Variants in NBPF11 observed in about 807,000 individuals in gnomAD.
NBPF11 encodes NBPF family member NBPF11.
Under a neutral mutation model 93.9 loss-of-function variants are expected in NBPF11, and 72 were observed. That is an observed-to-expected ratio of 0.77 (90% CI 0.63 to 0.93). The LOEUF (loss-of-function observed/expected upper bound fraction) is 0.93, where lower values mean the gene tolerates loss of function less well. Ranked by LOEUF, NBPF11 falls within the 40% of genes least tolerant of loss-of-function variation. The probability of loss-of-function intolerance (pLI) is 0.00; values close to 1 mark genes in which losing one functional copy is unlikely to be tolerated. For synonymous variants in NBPF11, 224 were observed against 304.9 expected (o/e 0.73, Z 2.76); for missense variants, 705 against 802.2 (o/e 0.88, Z 1.46).
intron 17 of NBPF11, 62 bp from the exon 18 acceptor site, chr1:148,108,716 C>T: frequency 1.3e-6 from 1 of 782,360 alleles, no homozygotes; most frequent in South Asian, 1.4e-5. Context: ...ACAGCCCCAG[C>T]TAGATTTCAT....
intron 8 of NBPF11, 145 bp downstream of exon 8, chr1:148,122,584 C>A: frequency 1.6e-6 from 2 of 1,230,850 alleles, no homozygotes; most frequent in African/African-American, 1.5e-5. Context: ...GCTGCCGCAC[C>A]CTGTGTCTAA....
intron 14 of NBPF11, among the ~76,000 whole-genome samples, chr1:148,115,319 C>T (rs1339287018): frequency 2.7e-5 from 4 of 150,782 alleles, no homozygotes; most frequent in Non-Finnish European, 5.9e-5. Flanking sequence ...AAGTTTCCAT[C>T]CTGATTTCAG....
At chr1:148,151,496 G>A (rs1485015662) in intron 1 of NBPF11, among the ~76,000 whole-genome samples, 2 of 152,048 alleles carry the variant, frequency 1.3e-5, no homozygotes, top group Admixed American at 6.5e-5. Flanking sequence ...CCCCTGGGAT[G>A]CCACAGAACA....
rs1226501395 is a variant in NBPF11 at position 148,146,139 on chromosome 1, G to A, written c.-548-2453C>T. On this transcript the variant is annotated intron_variant, in intron 1 of 23. Coordinates refer to ENST00000682118, the MANE Select transcript of NBPF11 (RefSeq NM_001385469.3). ...GCCATGGAGCGCGGCCCTGGGGCCC[G>A]GGGGCGCGGGCCGGGGTGGGCTTCC... Among the ~76,000 whole-genome samples the A allele has an allele frequency of 1.6e-3, 248 of 151,798 alleles. 3 individuals carry two copies. Among genetic ancestry groups the A allele is most frequent in the South Asian group, 7.3e-3 (35 of 4,824 alleles).
rs1206464697 is a variant in NBPF11, at chr1:148,115,929, T to G, written c.1449A>C (p.Ser483=). The change falls in exon 14 of 24, where the codon TCA becomes TCC. Residue 483 remains serine, a synonymous_variant. Coordinates refer to ENST00000682118, the MANE Select transcript of NBPF11 (RefSeq NM_001385469.3). ...TGGAGTCATAAGGGCCATGGCTATT[T>G]GAACAAGTGATGGCACACTCCTCCA... is the stretch of plus-strand genomic sequence containing the variant. ...DSLEECAITC[S]NSHGPYDSNQ... 1.4e-5 allele frequency: 22 copies of G among 1,586,044 alleles called. 2 individuals are homozygous for G. The Admixed American group carries it at 2.9e-4, about 21-fold the overall frequency.
In NBPF11 at chr1:148,146,607, G is replaced by A. The variant is rs1480047932; in HGVS notation, c.-548-2921C>T. ...CCGGGCGCTGGAAGCTGCACCTGAC[G>A]GAGCGTGCCGACTTCCAGTACAGCC... On this transcript the variant is annotated intron_variant, in intron 1 of 23. Coordinates refer to ENST00000682118, the MANE Select transcript of NBPF11 (RefSeq NM_001385469.3). The A allele has an allele frequency of 6.3e-4, 1,009 of 1,610,418 alleles. 1 individual carries two copies. Among genetic ancestry groups the A allele is most frequent in the African/African-American group, 2.0e-3 (150 of 74,850 alleles).
intron 17 of NBPF11, 77 bp downstream of exon 17, chr1:148,109,207 G>A (rs1664642898): frequency 3.0e-6 from 3 of 997,846 alleles, no homozygotes; most frequent in Non-Finnish European, 4.7e-6. Context: ...ATGATTTTCA[G>A]CGTGTACTGT....
In NBPF11 at chr1:148,122,054, C is replaced by T; in HGVS notation, c.778+1G>A. The T allele has an allele frequency of 1.2e-6, 2 of 1,602,184 alleles. No individual in the cohort carries two copies. The highest frequency in any genetic ancestry group is 8.6e-7 in the Non-Finnish European group (1 of 1,169,436). On this transcript the variant is annotated splice_donor_variant, in intron 9 of 23. Coordinates refer to ENST00000682118, the MANE Select transcript of NBPF11 (RefSeq NM_001385469.3). LOFTEE classifies it high-confidence loss of function. ...TGAGACACAAGGAAAATAGAGGCTA[C>T]CTGGGAGAATGTTTAGAGCATCCTG...
At chr1:148,149,152 C>T (rs1400342165) in intron 1 of NBPF11, 1 of 1,585,992 alleles carries the variant, frequency 6.3e-7, no homozygotes. Flanking sequence ...CCTGCTCCGG[C>T]GCCGCCAGGT....
chr1:148,139,335 T>C (rs28404203), intron 2 of NBPF11, among the ~76,000 whole-genome samples: 22,867 of 130,320 alleles, frequency 0.18, 4,556 homozygotes, highest in African/African-American at 0.38. Flanking sequence ...CTCTTCTCTA[T>C]TTGTCACAAA....
chr1:148,138,562 TAAC>T (rs1671709962), intron 2 of NBPF11, among the ~76,000 whole-genome samples: 1 of 151,732 alleles, frequency 6.6e-6, no homozygotes, highest in Non-Finnish European at 1.5e-5. Context: ...TGATGACTCT[TAAC>T]AAGCATGCTG....
At chr1:148,131,075 T>A (rs1670246586) in intron 4 of NBPF11, among the ~76,000 whole-genome samples, 1 of 150,566 alleles carries the variant, frequency 6.6e-6, no homozygotes, top group South Asian at 2.1e-4. Flanking sequence ...TGAGCATCCA[T>A]ACGTAGCAGG....
rs1323287095 is a variant in NBPF11, at chr1:148,149,568, G to A, written c.-549+2182C>T. ...GAGCTGCCCAGCCAGCGCGCCTAGC[G>A]GCGGCCCCAACCAGCCGGACCTCAG... On this transcript the variant is annotated intron_variant, in intron 1 of 23. Transcript: ENST00000682118. The A allele has an allele frequency of 1.3e-4, 200 of 1,593,832 alleles. 1 individual carries two copies. The highest frequency in any genetic ancestry group is 5.1e-4 in the South Asian group (46 of 90,892).
chr1:148,108,679 A>T, intron 17 of NBPF11, 25 bp from the exon 18 acceptor site: 2 of 843,630 alleles, frequency 2.4e-6, no homozygotes, highest in Non-Finnish European at 4.2e-6. Context: ...AAAAGTAAAG[A>T]ATAAGCCAGG....
chr1:148,145,629 C>A (rs1305654760), intron 1 of NBPF11, among the ~76,000 whole-genome samples: 1 of 151,518 alleles, frequency 6.6e-6, no homozygotes, highest in Non-Finnish European at 1.5e-5. Context: ...GCCTATAATC[C>A]CAACACTTTG....
intron 1 of NBPF11, among the ~76,000 whole-genome samples, chr1:148,151,081 G>A (rs1464968142): frequency 6.6e-6 from 1 of 151,930 alleles, no homozygotes; most frequent in East Asian, 1.9e-4. Flanking sequence ...GTGAAAGGAC[G>A]CCAAATGAGA....
chr1:148,110,161 G>A (rs1294130806), intron 16 of NBPF11, among the ~76,000 whole-genome samples: 4 of 151,922 alleles, frequency 2.6e-5, no homozygotes, highest in Non-Finnish European at 5.9e-5. Flanking sequence ...GTTGGCATGG[G>A]CATGGCCTGA....
intron 23 of NBPF11, 44 bp from the exon 24 acceptor site, chr1:148,103,956 G>A: frequency 3.7e-6 from 6 of 1,610,318 alleles, no homozygotes; most frequent in South Asian, 2.2e-5. Flanking sequence ...GGGAAAATCA[G>A]ACACCACAGA....
Position 148,109,277 on chromosome 1 carries a change from G to T in NBPF11, c.1853+7C>A. 1 of 828,582 alleles carries T rather than the reference G, an allele frequency of 1.2e-6. No homozygotes were observed. The highest frequency in any genetic ancestry group is 2.1e-6 in the Non-Finnish European group (1 of 476,880). 51.3% of individuals were successfully genotyped at this position (828,582 alleles called of 1,614,324 possible). A position where few individuals can be genotyped will look rare whatever the true frequency, so the allele number is the denominator to read the frequency against. On this transcript the variant is annotated splice_region_variant and intron_variant, in intron 17 of 23. Coordinates refer to ENST00000682118, the MANE Select transcript of NBPF11 (RefSeq NM_001385469.3). Reference sequence around the variant, plus strand: ...CAAATTAACTGTCCACAATTTCTCAGACTCACCTGGGACCTGTTGCCTCTT... The same window carrying T: ...CAAATTAACTGTCCACAATTTCTCATACTCACCTGGGACCTGTTGCCTCTT...
Sources: allele counts gnomAD v4.1 joint callset (sites outside exome capture counted in the v4.1 genomes callset), GRCh38; gene constraint gnomAD v4.1.1; transcripts MANE v1.5; gene names NCBI Gene and HGNC (gene_info 2026-07-23, HGNC 2026-07-21).